SCFD2: variants seen among roughly 807,000 people sequenced by gnomAD.
The protein encoded by SCFD2 is sec1 family domain containing 2, also known as sec1 family domain-containing protein 2.
SCFD2 carries 54 observed loss-of-function variants against 58.9 expected under a neutral mutation model. The observed-to-expected ratio is 0.92, with a 90% CI of 0.74 to 1.15. The LOEUF is 1.15. SCFD2 is among the 50% of genes most tolerant of loss of function. The pLI, the probability that SCFD2 is intolerant of heterozygous loss-of-function variation, is 0.00. For missense variants in SCFD2, 805 were observed against 836.6 expected (o/e 0.96, Z 0.47); for synonymous variants, 321 against 335.9 (o/e 0.96, Z 0.49).
intron 8 of SCFD2, among the ~76,000 whole-genome samples, 189 bp from the exon 9 acceptor site, chr4:52,874,250 G>C (rs1276019244): frequency 6.6e-6 from 1 of 152,160 alleles, no homozygotes; most frequent in African/African-American, 2.4e-5. Context: ...AAGGAGGGGG[G>C]CACAGTCTGG....
intron 5 of SCFD2, among the ~76,000 whole-genome samples, chr4:53,073,754 G>T (rs1172245701): frequency 6.6e-6 from 1 of 152,088 alleles, no homozygotes; most frequent in Non-Finnish European, 1.5e-5. Flanking sequence ...TGATATAAAA[G>T]TTATATTCAT....
At chr4:52,947,959 AAAATAGGCC>A in intron 5 of SCFD2, among the ~76,000 whole-genome samples, 1 of 148,446 alleles carries the variant, frequency 6.7e-6, no homozygotes. Flanking sequence ...ACCAAGTAGA[AAAATAGGCC>A]AAAAAAAAAA....
chr4:53,316,885 A>C (rs1306111534), intron 2 of SCFD2, among the ~76,000 whole-genome samples: 1 of 152,132 alleles, frequency 6.6e-6, no homozygotes, highest in Non-Finnish European at 1.5e-5. Flanking sequence ...CAAGGCAGGC[A>C]GATCACAAGG....
chr4:52,902,467 C>T (rs1426663331), intron 7 of SCFD2, among the ~76,000 whole-genome samples: 1 of 152,148 alleles, frequency 6.6e-6, no homozygotes, highest in South Asian at 2.1e-4. Context: ...CTTTGGGGGG[C>T]AGTGTATCTA....
At chr4:53,343,577 G>C (rs1733957885) in intron 2 of SCFD2, among the ~76,000 whole-genome samples, 1 of 152,186 alleles carries the variant, frequency 6.6e-6, no homozygotes, top group Non-Finnish European at 1.5e-5. Context: ...GATAGAAAAA[G>C]AGGGAATCCT....
rs1734264206 is a variant in SCFD2, at chr4:53,352,725, TG to T, written c.879del (p.Ile294PhefsTer14). ...CCTGGGAGCTGGGGAAGTGCTGAAA[TG>T]ATCTTCTCTACTAAGTTGTCTCCAT... ...GHHGDNLVEKIISALPQLPGH... is the reference protein window; with the variant it reads ...GHHGDNLVEKXISALPQLPGH... On this transcript the variant is annotated frameshift_variant, in exon 2 of 9. Transcript: ENST00000401642. LOFTEE classifies it high-confidence loss of function. The T allele has an allele frequency of 6.2e-7, 1 of 1,614,014 alleles. No homozygotes were observed. The highest frequency in any genetic ancestry group is 1.3e-5 in the African/African-American group (1 of 74,928).
intron 5 of SCFD2, among the ~76,000 whole-genome samples, chr4:52,993,919 C>CTGCA (rs1721679617): frequency 6.6e-6 from 1 of 152,230 alleles, no homozygotes; most frequent in Admixed American, 6.5e-5. Flanking sequence ...GGGGCGTGTA[C>CTGCA]TGCAGGTCTT....
intron 5 of SCFD2, among the ~76,000 whole-genome samples, chr4:53,120,630 A>T (rs1725452629): frequency 6.6e-6 from 1 of 152,204 alleles, no homozygotes; most frequent in Non-Finnish European, 1.5e-5. Context: ...TTCACAGTCC[A>T]CACTGGGAGA....
chr4:53,349,997 T>C (rs1009092109), intron 2 of SCFD2, among the ~76,000 whole-genome samples: 2 of 152,238 alleles, frequency 1.3e-5, no homozygotes, highest in African/African-American at 4.8e-5. Flanking sequence ...CTTCGTCTTC[T>C]ATAAACGGGG....
intron 4 of SCFD2, among the ~76,000 whole-genome samples, chr4:53,254,850 AT>A (rs1483547896): frequency 7.4e-4 from 78 of 105,654 alleles, no homozygotes; most frequent in African/African-American, 2.1e-3. Flanking sequence ...ATTTTATTTT[AT>A]TTTATTTTAT....
chr4:53,336,383 G>GA (rs1223659369), intron 2 of SCFD2, among the ~76,000 whole-genome samples: 1 of 151,886 alleles, frequency 6.6e-6, no homozygotes, highest in Non-Finnish European at 1.5e-5. Flanking sequence ...TAGAGTAAAA[G>GA]AAAAAAAGAT....
Position 53,074,489 on chromosome 4 carries a change from GTTTGCAATGTAC to G in SCFD2, c.1561+70832_1561+70843del, listed in dbSNP as rs567669152. ...TAGAATAGTGAATCCTTTCCAGAAG[GTTTGCAATGTAC>G]TTTGCCCAGATCCATCAGAGGAATC... On this transcript the variant is annotated intron_variant, in intron 5 of 8. Coordinates refer to ENST00000401642, the MANE Select transcript of SCFD2 (RefSeq NM_152540.4). Among the ~76,000 whole-genome samples, 20 of 152,236 alleles carry G rather than the reference GTTTGCAATGTAC, an allele frequency of 1.3e-4. No individual in the cohort carries two copies. The South Asian group carries it at 3.7e-3, about 28-fold the overall frequency.
chr4:52,952,738 A>G (rs1176599532), intron 5 of SCFD2, among the ~76,000 whole-genome samples: 1 of 152,206 alleles, frequency 6.6e-6, no homozygotes, highest in Non-Finnish European at 1.5e-5. Context: ...CAGCATTACA[A>G]TCTGTTAGAG....
intron 5 of SCFD2, among the ~76,000 whole-genome samples, chr4:53,081,639 A>G (rs1460259466): frequency 6.6e-6 from 1 of 152,180 alleles, no homozygotes; most frequent in Non-Finnish European, 1.5e-5. Flanking sequence ...ATTGATTTTT[A>G]TAGGTTCTCT....
intron 4 of SCFD2, among the ~76,000 whole-genome samples, chr4:53,238,196 C>T (rs1345854402): frequency 3.5e-5 from 5 of 143,172 alleles, no homozygotes; most frequent in Admixed American, 6.8e-5. Context: ...CCCCCACCTC[C>T]CTCCCGGACG....
intron 4 of SCFD2, among the ~76,000 whole-genome samples, chr4:53,216,970 T>C (rs1020291900): frequency 6.6e-5 from 10 of 152,374 alleles, no homozygotes; most frequent in Non-Finnish European, 1.3e-4. Context: ...GTGAGTTTCT[T>C]AATCCTGAGT....
At chr4:53,180,211 C>T (rs1374368507) in intron 4 of SCFD2, among the ~76,000 whole-genome samples, 8 of 152,124 alleles carry the variant, frequency 5.3e-5, no homozygotes, top group Non-Finnish European at 8.8e-5. Flanking sequence ...CTTTTCAGCA[C>T]CACAACACAC....
intron 5 of SCFD2, among the ~76,000 whole-genome samples, chr4:52,968,648 A>G (rs1307500117): frequency 6.6e-6 from 1 of 152,168 alleles, no homozygotes; most frequent in Non-Finnish European, 1.5e-5. Context: ...TGTGACAAAA[A>G]TCTCTGATTT....
intron 5 of SCFD2, chr4:52,948,386 G>C (rs1169445051): frequency 3.2e-6 from 1 of 314,420 alleles, no homozygotes; most frequent in Non-Finnish European, 6.5e-6. Flanking sequence ...AGTGATTTCA[G>C]TCAAAGGGCC....
Sources: allele counts gnomAD v4.1 joint callset (sites outside exome capture counted in the v4.1 genomes callset), GRCh38; gene constraint gnomAD v4.1.1; transcripts MANE v1.5; gene names NCBI Gene and HGNC (gene_info 2026-07-23, HGNC 2026-07-21).